The following PRKCE variants were observed in gnomAD, a reference collection of about 807,000 sequenced individuals.
PRKCE encodes the protein protein kinase C epsilon, also known as protein kinase C epsilon type.
Under a neutral mutation model 85.4 loss-of-function variants are expected in PRKCE, and 16 were observed. The ratio of observed to expected loss-of-function variants is 0.19; its 90% CI spans 0.13 to 0.28. PRKCE has a LOEUF of 0.28. Ranked by LOEUF, PRKCE falls within the 10% of genes least tolerant of loss-of-function variation. The pLI, the probability that PRKCE is intolerant of heterozygous loss-of-function variation, is 1.00. For missense variants in PRKCE, 573 were observed against 975.2 expected (o/e 0.59, Z 5.49); for synonymous variants, 388 against 371.5 (o/e 1.04, Z -0.51).
intron 3 of PRKCE, among the ~76,000 whole-genome samples, chr2:45,977,746 G>A (rs143668848): frequency 6.6e-6 from 1 of 152,056 alleles, no homozygotes; most frequent in East Asian, 1.9e-4. Flanking sequence ...AATGAGACTG[G>A]CCTGATGTCC....
intron 11 of PRKCE, among the ~76,000 whole-genome samples, chr2:46,135,691 G>A (rs1452139692): frequency 7.2e-6 from 1 of 139,488 alleles, no homozygotes; most frequent in Non-Finnish European, 1.5e-5. Flanking sequence ...TCGGTTATCA[G>A]CACTGCAATG....
intron 1 of PRKCE, among the ~76,000 whole-genome samples, chr2:45,658,715 A>G (rs1452312075): frequency 1.3e-5 from 2 of 152,228 alleles, no homozygotes; most frequent in Non-Finnish European, 2.9e-5. Flanking sequence ...ATATTTGAAG[A>G]GTCATTTGTG....
chr2:45,720,761 T>G (rs930815733), intron 1 of PRKCE, among the ~76,000 whole-genome samples: 1 of 152,178 alleles, frequency 6.6e-6, no homozygotes, highest in Non-Finnish European at 1.5e-5. Context: ...CTGCTTCTAA[T>G]ATGCCAGCAC....
At chr2:45,890,266 T>G (rs1399137924) in intron 2 of PRKCE, among the ~76,000 whole-genome samples, 1 of 152,212 alleles carries the variant, frequency 6.6e-6, no homozygotes, top group Non-Finnish European at 1.5e-5. Flanking sequence ...ATGGCCAGTC[T>G]TGCTTCATCT....
intron 11 of PRKCE, among the ~76,000 whole-genome samples, chr2:46,099,019 C>T (rs1670964880): frequency 6.6e-6 from 1 of 152,132 alleles, no homozygotes; most frequent in Non-Finnish European, 1.5e-5. Flanking sequence ...GGTCATGCAG[C>T]AGCAAGCTAA....
intron 11 of PRKCE, among the ~76,000 whole-genome samples, chr2:46,088,614 C>A (rs984214834): frequency 6.6e-6 from 1 of 152,112 alleles, no homozygotes; most frequent in Non-Finnish European, 1.5e-5. Context: ...GAATATCAAC[C>A]ATTGACTTCA....
At chr2:45,861,106 G>T (rs1693120737) in intron 2 of PRKCE, among the ~76,000 whole-genome samples, 1 of 152,172 alleles carries the variant, frequency 6.6e-6, no homozygotes, top group African/African-American at 2.4e-5. Flanking sequence ...GAACTCAAGT[G>T]GGGAGGCTTG....
intron 11 of PRKCE, among the ~76,000 whole-genome samples, chr2:46,135,323 T>A (rs564789097): frequency 1.2e-4 from 18 of 152,332 alleles, no homozygotes; most frequent in African/African-American, 4.3e-4. Flanking sequence ...GATGTATATT[T>A]TTTTCTCCTC....
intron 10 of PRKCE, among the ~76,000 whole-genome samples, chr2:46,027,170 A>C (rs1235539184): frequency 6.6e-6 from 1 of 152,238 alleles, no homozygotes; most frequent in East Asian, 1.9e-4. Context: ...CCCTGTCTCA[A>C]AAATAAATAA....
intron 2 of PRKCE, among the ~76,000 whole-genome samples, chr2:45,888,526 G>A (rs1194072345): frequency 2.4e-5 from 3 of 123,458 alleles, no homozygotes; most frequent in African/African-American, 9.3e-5. Flanking sequence ...AGGCTGGACT[G>A]CAATGGCGCG....
At chr2:45,749,224 T>C (rs1683363507) in intron 1 of PRKCE, among the ~76,000 whole-genome samples, 1 of 152,226 alleles carries the variant, frequency 6.6e-6, no homozygotes, top group African/African-American at 2.4e-5. Context: ...TGAACCATCT[T>C]CCCTGATCCA....
intron 1 of PRKCE, among the ~76,000 whole-genome samples, chr2:45,828,633 GTTTCT>G (rs749779143): frequency 1.9e-4 from 29 of 152,182 alleles, no homozygotes; most frequent in Non-Finnish European, 3.8e-4. Flanking sequence ...GGATGACTGA[GTTTCT>G]TTTCTTTTCT....
At chr2:45,737,178 C>A (rs1682141205) in intron 1 of PRKCE, among the ~76,000 whole-genome samples, 2 of 152,236 alleles carry the variant, frequency 1.3e-5, no homozygotes, top group Non-Finnish European at 2.9e-5. Context: ...CCAAATGTTT[C>A]TCCCACGCAG....
intron 1 of PRKCE, among the ~76,000 whole-genome samples, chr2:45,831,899 ATAACCCAAATGAAACTT>A (rs76165225): frequency 0.43 from 65,188 of 151,830 alleles, 14,581 homozygotes; most frequent in Middle Eastern, 0.57. Context: ...ACAAAAATAT[ATAACCCAAATGAAACTT>A]TGACTAATTT....
chr2:45,866,732 G>A (rs1693647888), intron 2 of PRKCE, among the ~76,000 whole-genome samples: 2 of 152,200 alleles, frequency 1.3e-5, no homozygotes, highest in Non-Finnish European at 2.9e-5. Flanking sequence ...ATTAAATTCA[G>A]TTCCCCTGTG....
chr2:45,787,996 G>A (rs1444853044), intron 1 of PRKCE, among the ~76,000 whole-genome samples: 1 of 152,174 alleles, frequency 6.6e-6, no homozygotes, highest in African/African-American at 2.4e-5. Context: ...GGAGTACCCT[G>A]TGTGTGCCTA....
chr2:45,842,851 A>C, intron 1 of PRKCE, 149 bp from the exon 2 acceptor site: 1 of 745,760 alleles, frequency 1.3e-6, no homozygotes, highest in South Asian at 1.6e-5. Context: ...CCAGGTCTGC[A>C]TCTCACCTAG....
chr2:45,833,523 C>G (rs891506604), intron 1 of PRKCE, among the ~76,000 whole-genome samples: 1 of 152,226 alleles, frequency 6.6e-6, no homozygotes, highest in African/African-American at 2.4e-5. Flanking sequence ...GCTCCACCAT[C>G]TCCTCGAATC....
At chr2:46,054,791 G>T (rs548118717) in intron 10 of PRKCE, among the ~76,000 whole-genome samples, 1 of 151,846 alleles carries the variant, frequency 6.6e-6, no homozygotes, top group Non-Finnish European at 1.5e-5. Flanking sequence ...CCCATGGCCC[G>T]CCCCACCCCC....
Sources: gnomAD v4.1 joint callset for allele counts (sites outside exome capture counted in the v4.1 genomes callset) on GRCh38, gnomAD v4.1.1 for gene constraint, MANE v1.5 for transcripts, NCBI Gene and HGNC (gene_info 2026-07-23, HGNC 2026-07-21) for gene names.